Variants in PIGA observed in about 807,000 individuals in gnomAD.
PIGA encodes the protein phosphatidylinositol glycan anchor biosynthesis class A.
In PIGA, 3 loss-of-function variants were observed where a neutral mutation model predicts 17.1. The ratio of observed to expected loss-of-function variants is 0.18; its 90% confidence interval spans 0.08 to 0.45. The LOEUF is 0.45. Ranked by LOEUF, PIGA falls within the 20% of genes least tolerant of loss-of-function variation. PIGA has a pLI of 0.99. For synonymous variants in PIGA, 126 were observed against 135.1 expected (o/e 0.93, Z 0.47); for missense variants, 231 against 374.1 (o/e 0.62, Z 3.16).
chrX:15,333,567 G>C (rs1922231508), intron 1 of PIGA, among the ~76,000 whole-genome samples: 2 of 111,911 alleles, frequency 1.8e-5, no homozygotes, highest in South Asian at 7.5e-4. Context: ...TGTGGTCCTA[G>C]CTACTCGGGA....
intron 5 of PIGA, 71 bp downstream of exon 5, chrX:15,324,594 G>A (rs1921914176): frequency 1.2e-6 from 1 of 809,022 alleles, no homozygotes; most frequent in Non-Finnish European, 1.8e-6. Flanking sequence ...ATCTATGTAA[G>A]AAAAAGCAAA....
upstream of PIGA, chrX:15,335,542 T>A (rs1922314990): frequency 1.0e-6 from 1 of 963,240 alleles, no homozygotes; most frequent in South Asian, 4.2e-5. Flanking sequence ...CTCCCGCGGC[T>A]GCAGCCGGAG....
intron 1 of PIGA, among the ~76,000 whole-genome samples, chrX:15,334,185 C>CTTTTTT (rs35688150): frequency 9.5e-5 from 6 of 62,913 alleles, no homozygotes; most frequent in East Asian, 4.6e-4. Context: ...AATTCATCTA[C>CTTTTTT]TTTTTTTTTT....
Position 15,332,644 on chromosome X carries a change from T to C in PIGA, c.-62-652A>G, listed in dbSNP as rs748287069. Among the ~76,000 whole-genome samples the C allele has an allele frequency of 7.1e-5, 8 of 112,301 alleles. 1 individual carries two copies. The highest frequency in any genetic ancestry group is 1.3e-4 in the Non-Finnish European group (7 of 53,307). On this transcript the variant is annotated intron_variant, in intron 1 of 5. Transcript: ENST00000333590. ...TTGCATTTGGACCTGGTTTAGCCCA[T>C]AGAAGGTAGTGAAAGTGATGTGCAA...
Position 15,331,484 on chromosome X carries a change from T to C in PIGA, c.447A>G (p.Thr149=). 2 of 1,212,317 alleles carry C rather than the reference T, an allele frequency of 1.6e-6. No individual in the cohort carries two copies. Among genetic ancestry groups the C allele is most frequent in the Non-Finnish European group, 2.2e-6 (2 of 895,646 alleles). Residue 149 remains threonine (T), a synonymous_variant, in exon 2 of 6, where the codon ACA becomes ACG. Transcript: ENST00000333590. ...CAAAAAGGGAATGGTCCGTGAAGACTGTCTGAAGCCCCATTGTCTTGGCGT... is the reference window on the plus strand; with the variant it reads ...CAAAAAGGGAATGGTCCGTGAAGACCGTCTGAAGCCCCATTGTCTTGGCGT... ...LFHAKTMGLQ[T]VFTDHSLFGF... is the part of the protein sequence containing the mutation.
At chrX:15,327,248 G>C (rs1225723448) in intron 2 of PIGA, 2 of 101,595 alleles carry the variant, frequency 2.0e-5, no homozygotes, top group Non-Finnish European at 4.0e-5. Context: ...GACAGAGCGA[G>C]ACTCCGTCTC....
intron 1 of PIGA, among the ~76,000 whole-genome samples, chrX:15,334,877 C>T (rs748000270): frequency 3.6e-5 from 4 of 111,999 alleles, no homozygotes; most frequent in African/African-American, 1.3e-4. Flanking sequence ...CTAGTGAATA[C>T]CTCTCTCGTT....
intron 5 of PIGA, among the ~76,000 whole-genome samples, chrX:15,324,167 T>C (rs1921899954): frequency 8.9e-6 from 1 of 112,381 alleles, no homozygotes; most frequent in Non-Finnish European, 1.9e-5. Flanking sequence ...ATGTTCTCAA[T>C]CAGCCCAAAG....
chrX:15,334,954 C>A (rs1267642903), intron 1 of PIGA, among the ~76,000 whole-genome samples: 1 of 112,122 alleles, frequency 8.9e-6, no homozygotes, highest in Non-Finnish European at 1.9e-5. Context: ...CTTAAAGTGG[C>A]AAAGACATTA....
At position 15,320,116 on chromosome X, in the gene PIGA, T is replaced by G. The variant is rs1921754790; in HGVS notation, c.*1390A>C. The G allele has an allele frequency of 8.9e-6, 1 of 112,902 alleles. No homozygotes were observed. The highest frequency in any genetic ancestry group is 3.5e-4 in the South Asian group (1 of 2,819). The allele number at this position is 112,902 out of a possible 1,213,427, so 9.3% of individuals were successfully genotyped here. ...TAGTACAAACAAAACACAAATATAT[T>G]TCTTTTATATCAGTGCAACCAGTTA... is the stretch of plus-strand genomic sequence containing the variant. On this transcript the variant is annotated 3_prime_UTR_variant, in exon 6 of 6. Coordinates refer to ENST00000333590, the MANE Select transcript of PIGA (RefSeq NM_002641.4).
chrX:15,335,478 G>T, intron 1 of PIGA, 23 bp downstream of exon 1: 1 of 987,862 alleles, frequency 1.0e-6, no homozygotes, highest in Non-Finnish European at 1.3e-6. Flanking sequence ...GCGCTGGAGA[G>T]GGGCGGCGCG....
chrX:15,330,087 CA>C (rs35388853), intron 2 of PIGA, among the ~76,000 whole-genome samples: 39,204 of 95,549 alleles, frequency 0.41, 5,672 homozygotes, highest in South Asian at 0.59. Context: ...GACTCCGTCT[CA>C]AAAAAAAAAA....
At position 15,335,513 on chromosome X, in the gene PIGA, T is replaced by G. The variant is rs985880836; in HGVS notation, c.-75A>C. ...GACGCGCACTCACCGGTGAGTTCCA[T>G]GGCCGCCAGTGTCCGGACCTCCCGC... On this transcript the variant is annotated 5_prime_UTR_variant, in exon 1 of 6. The change abolishes an upstream ATG in the 5' untranslated region. Coordinates refer to ENST00000333590, the MANE Select transcript of PIGA (RefSeq NM_002641.4). The G allele has an allele frequency of 1.0e-6, 1 of 977,329 alleles. No homozygotes were observed. Among genetic ancestry groups the G allele is most frequent in the Non-Finnish European group, 1.3e-6 (1 of 776,462 alleles). The allele number at this position is 977,329 out of a possible 1,213,427, so 80.5% of individuals were successfully genotyped here.
At chrX:15,325,318 C>A in intron 3 of PIGA, 166 bp from the exon 4 acceptor site, 1 of 385,029 alleles carries the variant, frequency 2.6e-6, no homozygotes, top group Non-Finnish European at 4.3e-6. Context: ...ATAGAAACAG[C>A]CTTATAAAGC....
chrX:15,327,484 AATTC>A (rs1463351316), intron 2 of PIGA, among the ~76,000 whole-genome samples: 4 of 111,647 alleles, frequency 3.6e-5, no homozygotes, highest in African/African-American at 1.3e-4. Flanking sequence ...TACAAAGTAG[AATTC>A]ATTAAGTAAA....
rs190996733 is a variant in PIGA at position 15,323,647 on chromosome X, T to A, written c.1188+1018A>T. The stretch of plus-strand genomic sequence containing the variant: ...TTCAATGGAAAATGTATAAGACAAT[T>A]TTTAGAGATAAGTTTTTAGAACTTC... On this transcript the variant is annotated intron_variant, in intron 5 of 5. Transcript: ENST00000333590. Among the ~76,000 whole-genome samples, 377 of 112,143 alleles carry A rather than the reference T, an allele frequency of 3.4e-3. 1 individual carries two copies. The highest frequency in any genetic ancestry group is 0.014 in the Middle Eastern group (3 of 218).
At chrX:15,325,726 T>C (rs1320185798) in intron 3 of PIGA, 188 bp downstream of exon 3, 4 of 298,584 alleles carry the variant, frequency 1.3e-5, no homozygotes, top group East Asian at 5.4e-5. Context: ...ATGGAAAAAA[T>C]AGTGAATTAA....
Position 15,324,799 on chromosome X carries a change from C to T in PIGA, c.1054G>A (p.Val352Ile). 8.3e-7 allele frequency: 1 copy of T among 1,209,276 alleles called. No individual in the cohort carries two copies. The highest frequency in any genetic ancestry group is 1.1e-6 in the Non-Finnish European group (1 of 893,404). ...TCCAATCCTTCACACAAAGATTTTA[C>T]TGAAGGCTCACATAAAATAATAAGG... Reference protein sequence around the residue: ...ENLIILCEPSVKSLCEGLEKA... With the variant: ...ENLIILCEPSIKSLCEGLEKA... The change falls in exon 5 of 6, where the codon GTA becomes ATA. Residue 352 changes from valine to isoleucine, a missense_variant. Physicochemically the swap from Val to Ile is conservative, Grantham distance 29. This residue lies in a region of PIGA where 88 missense variants were observed against 100.5 expected (regional missense o/e 0.88). Coordinates refer to ENST00000333590, the MANE Select transcript of PIGA (RefSeq NM_002641.4).
intron 1 of PIGA, 44 bp from the exon 2 acceptor site, chrX:15,332,036 A>G: frequency 2.3e-6 from 2 of 853,963 alleles, no homozygotes; most frequent in South Asian, 7.1e-5. Flanking sequence ...AACAAAACAC[A>G]TTCCATATTA....
Sources: gnomAD v4.1 joint callset for allele counts (sites outside exome capture counted in the v4.1 genomes callset) on GRCh38, gnomAD v4.1.1 for gene constraint, gnomAD v4.1.1 regional missense constraint, MANE v1.5 for transcripts, NCBI Gene and HGNC (gene_info 2026-07-23, HGNC 2026-07-21) for gene names.